The following ATXN2L variants were observed in gnomAD, a reference collection of about 807,000 sequenced individuals.
The protein encoded by ATXN2L is ataxin 2 like.
In ATXN2L, 24 loss-of-function variants were observed where a neutral mutation model predicts 120.7. The ratio of observed to expected loss-of-function variants is 0.20; its 90% confidence interval spans 0.14 to 0.28. The LOEUF is 0.28. ATXN2L is among the 10% of genes least tolerant of loss of function. The pLI, the probability that ATXN2L is intolerant of heterozygous loss-of-function variation, is 1.00. For missense variants in ATXN2L, 1,312 were observed against 1,432.3 expected (o/e 0.92, Z 1.36); for synonymous variants, 653 against 568.1 (o/e 1.15, Z -2.13).
intron 10 of ATXN2L, among the ~76,000 whole-genome samples, 197 bp downstream of exon 10, chr16:28,831,269 G>T (rs2054298860): frequency 6.6e-6 from 1 of 152,124 alleles, no homozygotes; most frequent in Admixed American, 6.6e-5. Context: ...CATGGGTTGT[G>T]TCTGCTTGGC....
Position 28,825,607 on chromosome 16 carries a change from C to G in ATXN2L, c.337-17C>G, listed in dbSNP as rs770295641. 2.5e-6 allele frequency: 4 copies of G among 1,612,258 alleles called. No individual in the cohort carries two copies. The highest frequency in any genetic ancestry group is 3.4e-6 in the Non-Finnish European group (4 of 1,178,382). ...ACTGATTACTCCTTTAATTCTCCCT[C>G]TTATGTTAACTGACAGGTGTTTGAA... On this transcript the variant is annotated splice_polypyrimidine_tract_variant and intron_variant, in intron 2 of 21. Coordinates refer to ENST00000336783, the MANE Select transcript of ATXN2L (RefSeq NM_007245.4).
rs948928079 is a variant in ATXN2L, at chr16:28,834,273, G to GGGACCA, written c.2172+65_2173-62dup. On this transcript the variant is annotated intron_variant, in intron 16 of 21. Transcript: ENST00000336783. ...GGTGGGATTTGGTTGCGCTGGTTGA[G>GGGACCA]GGACCAGGTCAGGCCTGTCTGGGCA... 1.4e-5 allele frequency: 22 copies of GGGACCA among 1,610,598 alleles called. No individual in the cohort carries two copies. In the Admixed American group the frequency reaches 3.7e-4, roughly 27 times the overall value.
Position 28,823,477 on chromosome 16 carries a change from C to A in ATXN2L, c.218C>A (p.Ala73Asp). Residue 73 changes from alanine (A) to aspartate (D), a missense_variant, in exon 1 of 22, where the codon GCC becomes GAC. Coordinates refer to ENST00000336783, the MANE Select transcript of ATXN2L (RefSeq NM_007245.4). ...GCCGGGAGCGGGCTCCGCCGGGGAG[C>A]CGAAGGCATCTTGGCGCCGCAGCCG... The part of the protein sequence containing the change: ...AAAGSGLRRG[A>D]EGILAPQPPP... 1 of 1,367,368 alleles carries A rather than the reference C, an allele frequency of 7.3e-7. No homozygotes were observed. Among genetic ancestry groups the A allele is most frequent in the Non-Finnish European group, 9.4e-7 (1 of 1,064,174 alleles). The allele number at this position is 1,367,368 out of a possible 1,614,324, so 84.7% of individuals were successfully genotyped here.
At chr16:28,832,666 C>T (rs2054937624) in intron 12 of ATXN2L, 99 bp downstream of exon 12, 2 of 1,420,688 alleles carry the variant, frequency 1.4e-6, no homozygotes, top group East Asian at 4.6e-5. Context: ...CAAACAATGT[C>T]TATCAGTCCT....
chr16:28,834,930 C>T (rs989081595), intron 18 of ATXN2L, 128 bp from the exon 19 acceptor site: 31 of 1,309,268 alleles, frequency 2.4e-5, no homozygotes, highest in African/African-American at 3.0e-5. Context: ...TGGGTGGGAT[C>T]GTTATGAATG....
rs1463721534 is a variant in ATXN2L, at chr16:28,824,148, C to T, written c.299+590C>T. The T allele has an allele frequency of 5.9e-6, 6 of 1,023,248 alleles. No homozygotes were observed. The South Asian group carries it at 1.8e-4, about 31-fold the overall frequency. The allele number at this position is 1,023,248 out of a possible 1,614,324, so 63.4% of individuals were successfully genotyped here. On this transcript the variant is annotated intron_variant, in intron 1 of 21. Coordinates refer to ENST00000336783, the MANE Select transcript of ATXN2L (RefSeq NM_007245.4). ...GCCTCTGGCGCGCGCGCCCCCTTCC[C>T]GTACGTGCGCGTGGATGCTCGGTCT... is the stretch of plus-strand genomic sequence containing the variant.
intron 19 of ATXN2L, 36 bp from the exon 20 acceptor site, chr16:28,835,242 G>A: frequency 2.5e-6 from 4 of 1,612,790 alleles, no homozygotes; most frequent in Non-Finnish European, 3.4e-6. Context: ...CCCCTCTGGT[G>A]TGCTCAGCAC....
At position 28,836,429 on chromosome 16, in the gene ATXN2L, C is replaced by T. The variant is rs768983248; in HGVS notation, c.*164C>T. 1 of 1,613,502 alleles carries T rather than the reference C, an allele frequency of 6.2e-7. No individual in the cohort carries two copies. The highest frequency in any genetic ancestry group is 1.1e-5 in the South Asian group (1 of 91,082). ...CGCTCAGTTGTGATCCAGCAGCCCC[C>T]CTCCCCACTGCCTCCCCAGCTCTCA... On this transcript the variant is annotated 3_prime_UTR_variant, in exon 22 of 22. Coordinates refer to ENST00000336783, the MANE Select transcript of ATXN2L (RefSeq NM_007245.4).
At chr16:28,824,629 C>T (rs563441137) in intron 1 of ATXN2L, 2 of 1,191,022 alleles carry the variant, frequency 1.7e-6, no homozygotes, top group Non-Finnish European at 2.2e-6. Context: ...AGGCGTCAGG[C>T]TGCTGAAAAT....
chr16:28,832,717 T>C, intron 12 of ATXN2L, 100 bp from the exon 13 acceptor site: 1 of 1,440,812 alleles, frequency 6.9e-7, no homozygotes, highest in East Asian at 2.3e-5. Context: ...AGAGTTTCTC[T>C]TTTTTCTTTG....
chr16:28,823,520 C>T lies in ATXN2L; in HGVS notation c.261C>T (p.His87=), dbSNP rs758457893. 1.4e-5 allele frequency: 19 copies of T among 1,391,090 alleles called. No individual in the cohort carries two copies. Among genetic ancestry groups the T allele is most frequent in the Admixed American group, 3.2e-5 (1 of 30,780 alleles). The allele number at this position is 1,391,090 out of a possible 1,614,324, so 86.2% of individuals were successfully genotyped here. Residue 87 remains histidine (H), a synonymous_variant, in exon 1 of 22, where the codon CAC becomes CAT. Coordinates refer to ENST00000336783, the MANE Select transcript of ATXN2L (RefSeq NM_007245.4). ...LAPQPPPPQQ[H]QERPGAAAIG... is the part of the protein sequence containing the mutation. ...CGCAGCCGCCGCCGCCGCAGCAACACCAGGAGAGGCCGGGGGCAGCCGCCA... is the reference window on the plus strand; with the variant it reads ...CGCAGCCGCCGCCGCCGCAGCAACATCAGGAGAGGCCGGGGGCAGCCGCCA...
intron 18 of ATXN2L, 48 bp downstream of exon 18, chr16:28,834,741 G>T: frequency 6.4e-7 from 1 of 1,554,114 alleles, no homozygotes; most frequent in South Asian, 1.2e-5. Context: ...CCCTGCTAGG[G>T]ATCCCATCTT....
chr16:28,824,184 G>C lies in ATXN2L; in HGVS notation c.299+626G>C, dbSNP rs751275647. ...GTGGATGCTCGGTCTCATGACCCGGGCATTCGCGCGCCCCGGGAACACCTA... is the reference window on the plus strand; with the variant it reads ...GTGGATGCTCGGTCTCATGACCCGGCCATTCGCGCGCCCCGGGAACACCTA... On this transcript the variant is annotated intron_variant, in intron 1 of 21. Coordinates refer to ENST00000336783, the MANE Select transcript of ATXN2L (RefSeq NM_007245.4). 323 of 1,037,918 alleles carry C rather than the reference G, an allele frequency of 3.1e-4. 1 individual carries two copies. The highest frequency in any genetic ancestry group is 3.7e-4 in the Non-Finnish European group (314 of 858,484). The allele number at this position is 1,037,918 out of a possible 1,614,324, so 64.3% of individuals were successfully genotyped here.
intron 15 of ATXN2L, chr16:28,833,721 G>T (rs2152090450): frequency 3.2e-6 from 2 of 620,762 alleles, no homozygotes; most frequent in Non-Finnish European, 2.8e-6. Flanking sequence ...AGGGGATCAG[G>T]GATCCCAGTG....
chr16:28,833,921 G>T, intron 15 of ATXN2L, 144 bp from the exon 16 acceptor site: 1 of 934,434 alleles, frequency 1.1e-6, no homozygotes, highest in African/African-American at 1.7e-5. Flanking sequence ...TCTCCTCATA[G>T]GGTTTAATGT....
In ATXN2L at chr16:28,832,243, G is replaced by C. The variant is rs1376115043; in HGVS notation, c.1360G>C (p.Ala454Pro). The C allele has an allele frequency of 1.2e-6, 2 of 1,613,984 alleles. No individual in the cohort carries two copies. Among genetic ancestry groups the C allele is most frequent in the Non-Finnish European group, 1.7e-6 (2 of 1,180,040 alleles). Residue 454 changes from alanine (A) to proline (P), a missense_variant, in exon 11 of 22, where the codon GCC becomes CCC. By Grantham distance (27) the Ala-to-Pro change is conservative (BLOSUM62 -1). Transcript: ENST00000336783. ...MYPPRSPKSAAPAPISASCPE... is the reference protein window; with the variant it reads ...MYPPRSPKSAPPAPISASCPE... ...TCCCCCGCGTTCTCCCAAGTCTGCT[G>C]CCCCTGCCCCAATCTCAGCTTCCTG...
intron 1 of ATXN2L, 77 bp downstream of exon 1, chr16:28,823,635 G>A (rs2050399723): frequency 1.6e-6 from 2 of 1,236,134 alleles, no homozygotes; most frequent in Middle Eastern, 3.1e-4. Flanking sequence ...GGCGGACCCC[G>A]ACCCGGCACC....
intron 1 of ATXN2L, chr16:28,824,143 C>T (rs895874803): frequency 3.9e-6 from 4 of 1,025,016 alleles, no homozygotes; most frequent in Non-Finnish European, 4.7e-6. Flanking sequence ...CGCGCGCCCC[C>T]TTCCCGTACG....
intron 6 of ATXN2L, among the ~76,000 whole-genome samples, 179 bp from the exon 7 acceptor site, chr16:28,829,222 T>C (rs1038075574): frequency 6.6e-6 from 1 of 152,164 alleles, no homozygotes; most frequent in Non-Finnish European, 1.5e-5. Flanking sequence ...AGTCTGGCCT[T>C]AAACTCCTGG....
Sources: allele counts gnomAD v4.1 joint callset (sites outside exome capture counted in the v4.1 genomes callset), GRCh38; gene constraint gnomAD v4.1.1; transcripts MANE v1.5; gene names NCBI Gene and HGNC (gene_info 2026-07-23, HGNC 2026-07-21).